CCDC43: variants seen among roughly 807,000 people sequenced by gnomAD.
The protein encoded by CCDC43 is coiled-coil domain-containing protein 43.
Under a neutral mutation model 33.3 loss-of-function variants are expected in CCDC43, and 20 were observed. That is an observed-to-expected ratio of 0.60 (90% CI 0.42 to 0.87). The LOEUF is 0.87. Among genes scored for constraint, CCDC43 ranks in the 40% least tolerant of loss-of-function variants. CCDC43 has a pLI of 0.00. For synonymous variants in CCDC43, 104 were observed against 106.5 expected (o/e 0.98, Z 0.14); for missense variants, 248 against 269.9 (o/e 0.92, Z 0.57).
At chr17:44,683,118 T>A (rs1972185873) in intron 2 of CCDC43, among the ~76,000 whole-genome samples, 1 of 152,222 alleles carries the variant, frequency 6.6e-6, no homozygotes, top group Non-Finnish European at 1.5e-5. Flanking sequence ...ATTTGAGTTT[T>A]CTGTACCTAA....
intron 4 of CCDC43, 98 bp from the exon 5 acceptor site, chr17:44,679,141 T>C: frequency 2.3e-6 from 2 of 869,526 alleles, no homozygotes; most frequent in Admixed American, 3.0e-5. Context: ...TGCTGAGTCC[T>C]GAATCGTCTT....
At chr17:44,684,034 A>C (rs1339403491) in intron 1 of CCDC43, 75 bp from the exon 2 acceptor site, 20 of 900,800 alleles carry the variant, frequency 2.2e-5, no homozygotes, top group Non-Finnish European at 3.5e-5. Context: ...AAAGCCTATG[A>C]AGAAAGCACA....
At position 44,689,719 on chromosome 17, in the gene CCDC43, G is replaced by A; in HGVS notation, c.35C>T (p.Pro12Leu). 2 of 1,590,992 alleles carry A rather than the reference G, an allele frequency of 1.3e-6. No individual in the cohort carries two copies. Among genetic ancestry groups the A allele is most frequent in the Non-Finnish European group, 1.7e-6 (2 of 1,169,594 alleles). ...GCCGCCTCCGCCATCGCCTTCGCCA[G>A]GGGCTATCGCGGCCACTTCGCTGGG... The part of the protein sequence containing the change: ...AAPSEVAAIA[P>L]GEGDGGGGGF... Residue 12 changes from proline (P) to leucine (L), a missense_variant, in exon 1 of 5, where the codon CCT becomes CTT. Coordinates refer to ENST00000315286, the MANE Select transcript of CCDC43 (RefSeq NM_144609.3).
chr17:44,687,125 C>CA (rs955551040), intron 1 of CCDC43, among the ~76,000 whole-genome samples: 51 of 151,204 alleles, frequency 3.4e-4, no homozygotes, highest in Admixed American at 1.1e-3. Flanking sequence ...CCTGTCTCTA[C>CA]AAAAAAAAAT....
chr17:44,680,114 A>T (rs1317083862), intron 4 of CCDC43, among the ~76,000 whole-genome samples: 1 of 151,700 alleles, frequency 6.6e-6, no homozygotes, highest in Non-Finnish European at 1.5e-5. Flanking sequence ...AGTATCTGGG[A>T]CTATGACTAT....
In CCDC43 at chr17:44,679,961, A is replaced by G. The variant is rs535429495; in HGVS notation, c.487+624T>C. Among the ~76,000 whole-genome samples the G allele has an allele frequency of 4.6e-5, 7 of 152,208 alleles. No individual in the cohort carries two copies. The East Asian group carries it at 1.4e-3, about 29-fold the overall frequency. ...ACAAATTATAAGGTTTTTGAGGAAA[A>G]AGAGAAAATTTCAACATTATTTTAT... On this transcript the variant is annotated intron_variant, in intron 4 of 4. Transcript: ENST00000315286.
chr17:44,688,789 G>A (rs1198753424), intron 1 of CCDC43, among the ~76,000 whole-genome samples: 2 of 152,222 alleles, frequency 1.3e-5, no homozygotes, highest in African/African-American at 4.8e-5. Flanking sequence ...TATGTTGGAG[G>A]TGTGGGAAGT....
At chr17:44,686,059 G>A (rs947311546) in intron 1 of CCDC43, among the ~76,000 whole-genome samples, 1 of 152,056 alleles carries the variant, frequency 6.6e-6, no homozygotes, top group Non-Finnish European at 1.5e-5. Context: ...GACTACAGGC[G>A]CCCGCCACCA....
At position 44,683,936 on chromosome 17, in the gene CCDC43, G is replaced by T; in HGVS notation, c.228C>A (p.Ile76=). Residue 76 remains isoleucine (I), a synonymous_variant, in exon 2 of 5, where the codon ATC becomes ATA. Transcript: ENST00000315286. ...ACCATCGTTCCACAATCTCCTTGCA[G>T]ATATTAAGGAGGGAATCTTCTTCCT... is the stretch of plus-strand genomic sequence containing the variant. ...AFLEEDSLLN[I]CKEIVERWSE... 1 of 1,612,050 alleles carries T rather than the reference G, an allele frequency of 6.2e-7. No homozygotes were observed. The highest frequency in any genetic ancestry group is 8.5e-7 in the Non-Finnish European group (1 of 1,178,086).
intron 1 of CCDC43, chr17:44,688,044 A>G (rs934287115): frequency 6.6e-6 from 1 of 152,152 alleles, no homozygotes; most frequent in African/African-American, 2.4e-5. Context: ...TTTTCCTAGC[A>G]CTTGTTTCCG....
intron 2 of CCDC43, among the ~76,000 whole-genome samples, chr17:44,683,292 C>CCA (rs1972188855): frequency 6.6e-6 from 1 of 152,124 alleles, no homozygotes; most frequent in Admixed American, 6.5e-5. Flanking sequence ...CTTTGGGAGG[C>CCA]TGAGGTGGGC....
In CCDC43 at chr17:44,680,570, G is replaced by C; in HGVS notation, c.487+15C>G. ...CTCTATGGAGAAACACATAGGGAGG[G>C]ACCCAGAAGGATACGTTTGTCAGAA... On this transcript the variant is annotated intron_variant, in intron 4 of 4. Transcript: ENST00000315286. 6.3e-7 allele frequency: 1 copy of C among 1,590,850 alleles called. No individual in the cohort carries two copies. The highest frequency in any genetic ancestry group is 8.6e-7 in the Non-Finnish European group (1 of 1,159,782).
chr17:44,680,232 C>T (rs1972139453), intron 4 of CCDC43, among the ~76,000 whole-genome samples: 1 of 152,170 alleles, frequency 6.6e-6, no homozygotes, highest in South Asian at 2.1e-4. Flanking sequence ...AAACGATCCA[C>T]CTGTCTCGGC....
chr17:44,678,989 C>A lies in CCDC43; in HGVS notation c.542G>T (p.Arg181Leu), dbSNP rs762341784. Reference sequence around the variant, plus strand: ...TTGGGATTCATCCCGAAGTGAGTCTCGCTCCAGTTTTCGGGCATTAAGGAC... The same window carrying A: ...TTGGGATTCATCCCGAAGTGAGTCTAGCTCCAGTTTTCGGGCATTAAGGAC... ...EDVLNARKLE[R>L]DSLRDESQRK... is the part of the protein sequence containing the mutation. Residue 181 changes from arginine to leucine, a missense_variant, in exon 5 of 5, where the codon CGA becomes CTA. Transcript: ENST00000315286. 3 of 1,613,672 alleles carry A rather than the reference C, an allele frequency of 1.9e-6. No individual in the cohort carries two copies. The African/African-American group carries it at 4.0e-5, about 22-fold the overall frequency.
rs1385094113 is a variant in CCDC43 at position 44,683,864 on chromosome 17, G to A, written c.292+8C>T. 4 of 1,598,418 alleles carry A rather than the reference G, an allele frequency of 2.5e-6. No individual in the cohort carries two copies. The highest frequency in any genetic ancestry group is 3.4e-6 in the Non-Finnish European group (4 of 1,165,834). On this transcript the variant is annotated splice_region_variant and intron_variant, in intron 2 of 4. Coordinates refer to ENST00000315286, the MANE Select transcript of CCDC43 (RefSeq NM_144609.3). ...TCAGGAAGTTAAACACAGAAACTCT[G>A]ACTCTACCTTCTTTTTTCACTTTGG...
intron 2 of CCDC43, 142 bp from the exon 3 acceptor site, chr17:44,682,280 C>T (rs1052373134): frequency 2.1e-6 from 2 of 935,356 alleles, no homozygotes; most frequent in East Asian, 2.6e-5. Flanking sequence ...GGACATGGCT[C>T]GGGGGCCATT....
intron 2 of CCDC43, among the ~76,000 whole-genome samples, chr17:44,682,902 A>T (rs1972183504): frequency 6.6e-6 from 1 of 152,088 alleles, no homozygotes; most frequent in Admixed American, 6.6e-5. Context: ...ATCAACTAGT[A>T]AGTTCTCCAG....
At chr17:44,679,612 A>G (rs1436616387) in intron 4 of CCDC43, among the ~76,000 whole-genome samples, 1 of 152,224 alleles carries the variant, frequency 6.6e-6, no homozygotes, top group Non-Finnish European at 1.5e-5. Flanking sequence ...AAATGAGTTT[A>G]GGCTGGGCGC....
At chr17:44,683,781 G>A in intron 2 of CCDC43, 91 bp downstream of exon 2, 1 of 859,954 alleles carries the variant, frequency 1.2e-6, no homozygotes, top group Non-Finnish European at 1.9e-6. Context: ...GAGCATCCAA[G>A]GGGAAAATGA....
Sources: gnomAD v4.1 joint callset for allele counts (sites outside exome capture counted in the v4.1 genomes callset) on GRCh38, gnomAD v4.1.1 for gene constraint, MANE v1.5 for transcripts, NCBI Gene and HGNC (gene_info 2026-07-23, HGNC 2026-07-21) for gene names.